Variants in LRRC37A2 observed in about 807,000 individuals in gnomAD.
LRRC37A2 encodes leucine-rich repeat-containing protein 37A2.
LRRC37A2 carries 9 observed loss-of-function variants against 68.8 expected under a neutral mutation model. The ratio of observed to expected loss-of-function variants is 0.13; its 90% CI spans 0.08 to 0.23. The LOEUF (loss-of-function observed/expected upper bound fraction) is 0.23, where lower values mean the gene tolerates loss of function less well. Among genes scored for constraint, LRRC37A2 ranks in the 10% least tolerant of loss-of-function variants. The pLI, the probability that LRRC37A2 is intolerant of heterozygous loss-of-function variation, is 1.00. For missense variants in LRRC37A2, 168 were observed against 950.4 expected (o/e 0.18, Z 10.82); for synonymous variants, 63 against 367.6 (o/e 0.17, Z 9.48).
chr17:46,966,272 A>G, the LRRC37A2 span, among the ~76,000 whole-genome samples: 6 of 152,220 alleles, frequency 3.9e-5, no homozygotes, highest in African/African-American at 1.4e-4. Flanking sequence ...GAAATGTACT[A>G]GCTATGTACC....
At chr17:46,895,556 G>A in the LRRC37A2 span, among the ~76,000 whole-genome samples, 1 of 152,208 alleles carries the variant, frequency 6.6e-6, no homozygotes, top group Non-Finnish European at 1.5e-5. Context: ...CCCCGCCATT[G>A]TCACTATTTG....
the LRRC37A2 span, chr17:46,940,097 CCTTT>C: frequency 8.7e-7 from 1 of 1,151,184 alleles, no homozygotes; most frequent in Non-Finnish European, 1.1e-6. Context: ...TATTTCCCTT[CCTTT>C]CTGTGTTCCT....
At chr17:46,795,238 C>T in the LRRC37A2 span, among the ~76,000 whole-genome samples, 1 of 152,172 alleles carries the variant, frequency 6.6e-6, no homozygotes, top group South Asian at 2.1e-4. Context: ...GCATCCGAAA[C>T]CTCCTACCCC....
At chr17:46,795,922 A>G in the LRRC37A2 span, among the ~76,000 whole-genome samples, 1 of 152,168 alleles carries the variant, frequency 6.6e-6, no homozygotes, top group Non-Finnish European at 1.5e-5. Context: ...ACGTGTGCAC[A>G]CATGTTAAAT....
At chr17:47,036,705 G>A in the LRRC37A2 span, among the ~76,000 whole-genome samples, 1 of 150,602 alleles carries the variant, frequency 6.6e-6, no homozygotes. Context: ...TTATTTGTCT[G>A]TCCACATTCC....
the LRRC37A2 span, among the ~76,000 whole-genome samples, chr17:46,796,727 G>A: frequency 5.3e-5 from 8 of 152,208 alleles, no homozygotes; most frequent in African/African-American, 1.2e-4. Context: ...CAAGATGAGC[G>A]GTGCCTGATC....
At chr17:46,476,688 T>TAAC in the LRRC37A2 span, 2 of 615,228 alleles carry the variant, frequency 3.3e-6, no homozygotes, top group African/African-American at 2.0e-5. Context: ...TGTCTCAAAA[T>TAAC]AATAATAATA....
chr17:46,877,884 G>T, the LRRC37A2 span, among the ~76,000 whole-genome samples: 2 of 152,234 alleles, frequency 1.3e-5, no homozygotes, highest in Non-Finnish European at 2.9e-5. Context: ...GCCTCCTTCA[G>T]TTCCTAATGG....
At chr17:46,755,826 A>G in the LRRC37A2 span, 2 of 1,611,778 alleles carry the variant, frequency 1.2e-6, no homozygotes, top group Non-Finnish European at 1.7e-6. Context: ...TTGATTGAAA[A>G]TGAACTATTT....
chr17:46,849,469 T>G, the LRRC37A2 span, among the ~76,000 whole-genome samples: 1 of 152,140 alleles, frequency 6.6e-6, no homozygotes, highest in Non-Finnish European at 1.5e-5. Context: ...TGGGGCCTGG[T>G]GGGGTCTGTC....
chr17:47,011,082 A>G, the LRRC37A2 span, among the ~76,000 whole-genome samples: 1 of 152,136 alleles, frequency 6.6e-6, no homozygotes, highest in Non-Finnish European at 1.5e-5. Flanking sequence ...CAGAGAGGAA[A>G]CAAGCCCACA....
the LRRC37A2 span, among the ~76,000 whole-genome samples, chr17:46,694,873 CCT>C: frequency 3.2e-5 from 4 of 125,194 alleles, no homozygotes; most frequent in African/African-American, 1.3e-4. Flanking sequence ...GACTCATCTA[CCT>C]TAGGTCATCA....
chr17:46,940,488 G>A, the LRRC37A2 span: 30 of 1,612,956 alleles, frequency 1.9e-5, no homozygotes, highest in Middle Eastern at 1.6e-4. Context: ...GGGACCTAGC[G>A]CAGGACTTTT....
At chr17:46,548,924 C>T (rs2056495527) in exon 10 of LRRC37A2, 1 of 1,612,564 alleles carries the variant, frequency 6.2e-7, no homozygotes, top group African/African-American at 1.4e-5. Context: ...TCCAGCCCTG[C>T]AAAAGCCCTA....
At chr17:46,827,401 T>C in the LRRC37A2 span, among the ~76,000 whole-genome samples, 5,294 of 152,122 alleles carry the variant, frequency 0.035, 284 homozygotes, top group African/African-American at 0.12. Flanking sequence ...TTTTGGACAT[T>C]GTTGTTTTGG....
At chr17:46,728,163 ATC>A in the LRRC37A2 span, among the ~76,000 whole-genome samples, 1 of 152,164 alleles carries the variant, frequency 6.6e-6, no homozygotes, top group African/African-American at 2.4e-5. Context: ...TTTACGCTGA[ATC>A]TTGAATTATT....
At chr17:47,000,093 A>AAAT in the LRRC37A2 span, among the ~76,000 whole-genome samples, 1 of 123,014 alleles carries the variant, frequency 8.1e-6, no homozygotes, top group Non-Finnish European at 1.7e-5. Context: ...AAATAAAATA[A>AAAT]AATAAAATAA....
the LRRC37A2 span, among the ~76,000 whole-genome samples, chr17:46,882,519 T>A: frequency 1.3e-5 from 2 of 152,090 alleles, no homozygotes; most frequent in African/African-American, 4.8e-5. Context: ...CACAGCAACC[T>A]CCACCTCCTA....
chr17:46,568,183 T>A, the LRRC37A2 span, among the ~76,000 whole-genome samples: 1 of 132,410 alleles, frequency 7.6e-6, no homozygotes, highest in Non-Finnish European at 1.6e-5. Flanking sequence ...TGGACAGTGG[T>A]GATGGTTGTA....
Sources: allele counts gnomAD v4.1 joint callset (sites outside exome capture counted in the v4.1 genomes callset), GRCh38; gene constraint gnomAD v4.1.1; transcripts MANE v1.5; gene names NCBI Gene and HGNC (gene_info 2026-07-23, HGNC 2026-07-21).